PROK1: variants seen among roughly 807,000 people sequenced by gnomAD.
The protein encoded by PROK1 is prokineticin 1.
PROK1 carries 10 observed loss-of-function variants against 8.8 expected under a neutral mutation model. That is an observed-to-expected ratio of 1.13 (90% CI 0.70 to 1.92). The LOEUF (loss-of-function observed/expected upper bound fraction) is 1.92. PROK1 is among the 30% of genes most tolerant of loss of function. PROK1 has a pLI of 0.00. For synonymous variants in PROK1, 57 were observed against 56.0 expected (o/e 1.02, Z -0.08); for missense variants, 140 against 139.7 (o/e 1.00, Z -0.01).
rs1664178371 is a variant in PROK1 at position 110,456,643 on chromosome 1, T to A, written c.*292T>A. On this transcript the variant is annotated 3_prime_UTR_variant, in exon 3 of 3. Coordinates refer to ENST00000271331, the MANE Select transcript of PROK1 (RefSeq NM_032414.3). ...AGGTGGTAAATGGCAGAAAGGACATTCCCCCTCCCCTCCCCAGGTGACCTG... is the reference window on the plus strand; with the variant it reads ...AGGTGGTAAATGGCAGAAAGGACATACCCCCTCCCCTCCCCAGGTGACCTG... 2.1e-5 allele frequency: 9 copies of A among 434,246 alleles called. No homozygotes were observed. In the Admixed American group the frequency reaches 3.1e-4, roughly 15 times the overall value. 26.9% of individuals were successfully genotyped at this position (434,246 alleles called of 1,614,324 possible). A position where few individuals can be genotyped will look rare whatever the true frequency, so the allele number is the denominator to read the frequency against.
intron 1 of PROK1, 106 bp from the exon 2 acceptor site, chr1:110,453,855 A>G (rs1185791679): frequency 6.8e-7 from 1 of 1,464,690 alleles, no homozygotes; most frequent in African/African-American, 1.4e-5. Flanking sequence ...TGATACTCTC[A>G]GCCTCTTCTT....
Position 110,451,175 on chromosome 1 carries a change from G to T in PROK1, c.-42G>T, listed in dbSNP as rs374039613. 7 of 1,593,954 alleles carry T rather than the reference G, an allele frequency of 4.4e-6. No homozygotes were observed. The Admixed American group carries it at 5.0e-5, about 11-fold the overall frequency. On this transcript the variant is annotated 5_prime_UTR_variant, in exon 1 of 3. In the 5' UTR this introduces an upstream ATG that the reference lacks. Transcript: ENST00000271331. ...CAAGGCTGAGCGGGAGGAAGCGAGA[G>T]GCATCTAAGCAGGCAGTGTTTTGCC...
chr1:110,451,149 A>G lies in PROK1; in HGVS notation c.-68A>G. On this transcript the variant is annotated 5_prime_UTR_variant, in exon 1 of 3. Coordinates refer to ENST00000271331, the MANE Select transcript of PROK1 (RefSeq NM_032414.3). ...GCCTGGCCTCCCCAGCTTGCCAGGC[A>G]CAAGGCTGAGCGGGAGGAAGCGAGA... 1 of 1,499,120 alleles carries G rather than the reference A, an allele frequency of 6.7e-7. No homozygotes were observed. Among genetic ancestry groups the G allele is most frequent in the African/African-American group, 1.4e-5 (1 of 72,642 alleles). 92.9% of individuals were successfully genotyped at this position (1,499,120 alleles called of 1,614,324 possible). A position where few individuals can be genotyped will look rare whatever the true frequency, so the allele number is the denominator to read the frequency against.
chr1:110,452,344 A>C (rs1664099819), intron 1 of PROK1, among the ~76,000 whole-genome samples: 1 of 152,270 alleles, frequency 6.6e-6, no homozygotes, highest in Non-Finnish European at 1.5e-5. Context: ...GATCCAAAGC[A>C]AAAATAAAAA....
Position 110,452,622 on chromosome 1 carries a change from A to G in PROK1, c.72+1334A>G, listed in dbSNP as rs1304613204. Among the ~76,000 whole-genome samples the G allele has an allele frequency of 3.5e-4, 53 of 152,174 alleles. 1 individual carries two copies. Among genetic ancestry groups the G allele is most frequent in the Admixed American group, 3.3e-3 (50 of 15,286 alleles). The stretch of plus-strand genomic sequence containing the variant: ...CACGGTGAAAAGCACAATAGAGAGC[A>G]CTTTTCCCTAGGTGAGGGAAACCCA... On this transcript the variant is annotated intron_variant, in intron 1 of 2. Coordinates refer to ENST00000271331, the MANE Select transcript of PROK1 (RefSeq NM_032414.3).
At position 110,451,355 on chromosome 1, in the gene PROK1, G is replaced by GC; in HGVS notation, c.72+70dup. ...ATGTCAGGGTCTGCACGGGTTGTGA[G>GC]CCCAGGAACCATGCAGGAGGCTCTG... On this transcript the variant is annotated intron_variant, in intron 1 of 2. Transcript: ENST00000271331. 3 of 1,413,852 alleles carry GC rather than the reference G, an allele frequency of 2.1e-6. No homozygotes were observed. In the South Asian group the frequency reaches 3.5e-5, roughly 16 times the overall value. 87.6% of individuals were successfully genotyped at this position (1,413,852 alleles called of 1,614,324 possible).
At position 110,457,005 on chromosome 1, in the gene PROK1, CCTT is replaced by C. The variant is rs1664184204; in HGVS notation, c.*657_*659del. ...GTGGCTTGTGGCCTGTGACCTGTGACCTTCTGCCAGAATTGTCATGCCTCTGAG... is the reference window on the plus strand; with the variant it reads ...GTGGCTTGTGGCCTGTGACCTGTGACCTGCCAGAATTGTCATGCCTCTGAG... On this transcript the variant is annotated 3_prime_UTR_variant, in exon 3 of 3. Coordinates refer to ENST00000271331, the MANE Select transcript of PROK1 (RefSeq NM_032414.3). 6.4e-6 allele frequency: 1 copy of C among 156,374 alleles called. No individual in the cohort carries two copies. The highest frequency in any genetic ancestry group is 6.1e-5 in the Admixed American group (1 of 16,470). The allele number at this position is 156,374 out of a possible 1,614,324, so 9.7% of individuals were successfully genotyped here.
intron 1 of PROK1, among the ~76,000 whole-genome samples, chr1:110,451,954 G>A (rs187748633): frequency 1.3e-5 from 2 of 152,300 alleles, no homozygotes; most frequent in Admixed American, 1.3e-4. Context: ...TATGGGCACT[G>A]TACAATTGGT....
rs1044837 is a variant in PROK1 at position 110,457,083 on chromosome 1, C to T, written c.*732C>T. The T allele has an allele frequency of 0.14, 20,750 of 153,514 alleles. 1,953 individuals are homozygous for T. The highest frequency in any genetic ancestry group is 0.27 in the African/African-American group (11,022 of 41,508). 9.5% of individuals were successfully genotyped at this position (153,514 alleles called of 1,614,324 possible). ...GTTAACCACTGAAGCCCCCAATTCC[C>T]ACAGCTTTTCCATTAAAATGCAAAT... On this transcript the variant is annotated 3_prime_UTR_variant, in exon 3 of 3. Coordinates refer to ENST00000271331, the MANE Select transcript of PROK1 (RefSeq NM_032414.3).
At chr1:110,454,879 C>T (rs778989317) in intron 2 of PROK1, among the ~76,000 whole-genome samples, 21 of 152,224 alleles carry the variant, frequency 1.4e-4, no homozygotes, top group Non-Finnish European at 3.1e-4. Context: ...CCCACAAAAT[C>T]GCCTTCCACA....
chr1:110,456,696 C>A lies in PROK1; in HGVS notation c.*345C>A. 1 of 381,072 alleles carries A rather than the reference C, an allele frequency of 2.6e-6. No homozygotes were observed. The highest frequency in any genetic ancestry group is 5.0e-6 in the Non-Finnish European group (1 of 198,068). The allele number at this position is 381,072 out of a possible 1,614,324, so 23.6% of individuals were successfully genotyped here. On this transcript the variant is annotated 3_prime_UTR_variant, in exon 3 of 3. Coordinates refer to ENST00000271331, the MANE Select transcript of PROK1 (RefSeq NM_032414.3). ...CTCTTTCCTGGGCCCTGCCCCTCTC[C>A]CCACATGTATCCCTCGGTCTGAATT... is the stretch of plus-strand genomic sequence containing the variant.
In PROK1 at chr1:110,451,290, T is replaced by C. The variant is rs1302515134; in HGVS notation, c.72+2T>C. ...TCTGACTGTGCTGTGATCACAGGGG[T>C]AAGTCGCCTAACATTCTCTGTGCCT... On this transcript the variant is annotated splice_donor_variant, in intron 1 of 2. Coordinates refer to ENST00000271331, the MANE Select transcript of PROK1 (RefSeq NM_032414.3). LOFTEE classifies it high-confidence loss of function. The C allele has an allele frequency of 5.0e-6, 8 of 1,613,736 alleles. No homozygotes were observed. The highest frequency in any genetic ancestry group is 6.8e-6 in the Non-Finnish European group (8 of 1,179,642).
chr1:110,455,610 A>AT (rs1434072624), intron 2 of PROK1, among the ~76,000 whole-genome samples: 4 of 152,222 alleles, frequency 2.6e-5, no homozygotes, highest in African/African-American at 9.7e-5. Flanking sequence ...GCTTTTTGTT[A>AT]TTTTAACCTC....
At chr1:110,455,044 C>A (rs979579062) in intron 2 of PROK1, among the ~76,000 whole-genome samples, 1 of 152,198 alleles carries the variant, frequency 6.6e-6, no homozygotes, top group African/African-American at 2.4e-5. Flanking sequence ...TGCTGCTCTC[C>A]CTCTCTGGAG....
At chr1:110,454,767 C>T (rs948249273) in intron 2 of PROK1, among the ~76,000 whole-genome samples, 2 of 152,224 alleles carry the variant, frequency 1.3e-5, no homozygotes, top group Non-Finnish European at 2.9e-5. Flanking sequence ...AGCAAACTCA[C>T]TACCTCTAAT....
intron 1 of PROK1, among the ~76,000 whole-genome samples, chr1:110,452,252 G>A (rs1664098602): frequency 6.6e-6 from 1 of 152,166 alleles, no homozygotes; most frequent in Admixed American, 6.5e-5. Flanking sequence ...TCACAGAAAG[G>A]ACAAATTCTT....
At chr1:110,455,407 A>C (rs1289924845) in intron 2 of PROK1, among the ~76,000 whole-genome samples, 1 of 152,174 alleles carries the variant, frequency 6.6e-6, no homozygotes, top group African/African-American at 2.4e-5. Flanking sequence ...TCCCAATCAC[A>C]GCCCCTGTCC....
At chr1:110,453,763 CCCCTGAG>C (rs1373115438) in intron 1 of PROK1, among the ~76,000 whole-genome samples, 191 bp from the exon 2 acceptor site, 1 of 152,202 alleles carries the variant, frequency 6.6e-6, no homozygotes, top group Admixed American at 6.5e-5. Context: ...ATCCAATGCC[CCCCTGAG>C]CCCTGAGCCT....
rs530510698 is a variant in PROK1 at position 110,456,018 on chromosome 1, C to T, written c.199-214C>T. ...GCCTGGGTGCAAATCCTAGCTCCTC[C>T]ACAAATTAGCTGTGTGATCTTGGCG... is the stretch of plus-strand genomic sequence containing the variant. On this transcript the variant is annotated intron_variant, in intron 2 of 2. Transcript: ENST00000271331. Among the ~76,000 whole-genome samples, 38 of 152,334 alleles carry T rather than the reference C, an allele frequency of 2.5e-4. No individual in the cohort carries two copies. In the South Asian group the frequency reaches 7.2e-3, roughly 29 times the overall value.
Sources: gnomAD v4.1 joint callset for allele counts (sites outside exome capture counted in the v4.1 genomes callset) on GRCh38, gnomAD v4.1.1 for gene constraint, MANE v1.5 for transcripts, NCBI Gene and HGNC (gene_info 2026-07-23, HGNC 2026-07-21) for gene names.